Variants in SCN4A observed in about 807,000 individuals in gnomAD.
The protein encoded by SCN4A is sodium channel protein type 4 subunit alpha.
SCN4A carries 83 observed loss-of-function variants against 162.0 expected under a neutral mutation model. The observed-to-expected ratio is 0.51, with a 90% confidence interval of 0.43 to 0.61. The LOEUF is 0.61. SCN4A is among the 20% of genes least tolerant of loss of function. SCN4A has a pLI of 0.00. For missense variants in SCN4A, 2,196 were observed against 2,462.5 expected (o/e 0.89, Z 2.29); for synonymous variants, 944 against 985.1 (o/e 0.96, Z 0.78).
chr17:63,940,626 C>T lies in SCN4A; in HGVS notation c.*145G>A. 2.0e-6 allele frequency: 2 copies of T among 1,009,334 alleles called. No individual in the cohort carries two copies. The highest frequency in any genetic ancestry group is 2.8e-6 in the Non-Finnish European group (2 of 717,322). The allele number at this position is 1,009,334 out of a possible 1,614,324, so 62.5% of individuals were successfully genotyped here. On this transcript the variant is annotated 3_prime_UTR_variant, in exon 24 of 24. Transcript: ENST00000435607. ...CAGGCGCTCGGGCCTGGGTGTCAGCCCCAGTGTGGCCAAATCCTGTCCCCC... is the reference window on the plus strand; with the variant it reads ...CAGGCGCTCGGGCCTGGGTGTCAGCTCCAGTGTGGCCAAATCCTGTCCCCC...
In SCN4A at chr17:63,959,532, G is replaced by T. The variant is rs528409271; in HGVS notation, c.1846-94C>A. The stretch of plus-strand genomic sequence containing the variant: ...ACTCCCACCTCCTGGCAGAGGCTGC[G>T]GGGGCGGAGGGGAAGGGGTCCAGAG... On this transcript the variant is annotated intron_variant, in intron 11 of 23. Transcript: ENST00000435607. 3.4e-6 allele frequency: 4 copies of T among 1,172,122 alleles called. No individual in the cohort carries two copies. In the East Asian group the frequency reaches 7.6e-5, roughly 22 times the overall value. 72.6% of individuals were successfully genotyped at this position (1,172,122 alleles called of 1,614,324 possible).
chr17:63,945,256 CG>C lies in SCN4A; in HGVS notation c.3720+103del. On this transcript the variant is annotated intron_variant, in intron 19 of 23. Transcript: ENST00000435607. The surrounding 1 kb of genome is among the most constrained non-coding windows in gnomAD (Gnocchi z 4.4). ...CCCACAGCATTGGAAGCAGGGTGGGCGGTCCCCTAACCAGGAGTGACACTGG... is the reference window on the plus strand; with the variant it reads ...CCCACAGCATTGGAAGCAGGGTGGGCGTCCCCTAACCAGGAGTGACACTGG... 9.2e-7 allele frequency: 1 copy of C among 1,091,264 alleles called. No homozygotes were observed. Among genetic ancestry groups the C allele is most frequent in the Non-Finnish European group, 1.4e-6 (1 of 740,006 alleles). The allele number at this position is 1,091,264 out of a possible 1,614,324, so 67.6% of individuals were successfully genotyped here. A position where few individuals can be genotyped will look rare whatever the true frequency, so the allele number is the denominator to read the frequency against.
intron 8 of SCN4A, 130 bp downstream of exon 8, chr17:63,965,972 G>T: frequency 1.5e-6 from 1 of 667,980 alleles, no homozygotes. Context: ...GGCACTGCGG[G>T]AGTCCATGAG....
intron 15 of SCN4A, among the ~76,000 whole-genome samples, chr17:63,949,122 A>C (rs1219090258): frequency 6.6e-6 from 1 of 152,074 alleles, no homozygotes; most frequent in Non-Finnish European, 1.5e-5. Context: ...CCATGTCCTG[A>C]AGGCCTTGCT....
chr17:63,942,775 C>T, intron 23 of SCN4A, 51 bp downstream of exon 23: 2 of 1,567,106 alleles, frequency 1.3e-6, no homozygotes, highest in South Asian at 2.4e-5. Context: ...ATGGGTCTTC[C>T]CGAGTGCCTC....
rs944490990 is a variant in SCN4A, at chr17:63,941,090, G to A, written c.5192C>T (p.Ala1731Val). 5 of 1,613,878 alleles carry A rather than the reference G, an allele frequency of 3.1e-6. No individual in the cohort carries two copies. The highest frequency in any genetic ancestry group is 4.2e-6 in the Non-Finnish European group (5 of 1,179,896). ...TLKRKHEEVC[A>V]IKIQRAYRRH... is the part of the protein sequence containing the mutation. ...GCGGTAGGCCCTCTGGATCTTGATGGCGCACACCTCCTCGTGCTTCCTCTT... is the reference window on the plus strand; with the variant it reads ...GCGGTAGGCCCTCTGGATCTTGATGACGCACACCTCCTCGTGCTTCCTCTT... Residue 1731 changes from alanine (A) to valine (V), a missense_variant, in exon 24 of 24, where the codon GCC (alanine) becomes GTC (valine). By Grantham distance (64) the Ala-to-Val change is moderately conservative (BLOSUM62 0). Transcript: ENST00000435607. The surrounding 1 kb of genome is among the most constrained non-coding windows in gnomAD (Gnocchi z 6.2).
Position 63,963,702 on chromosome 17 carries a change from C to T in SCN4A, c.1576G>A (p.Gly526Arg), listed in dbSNP as rs181292216. Residue 526 changes from glycine to arginine, a missense_variant, in exon 10 of 24, where the codon GGA becomes AGA. Coordinates refer to ENST00000435607, the MANE Select transcript of SCN4A (RefSeq NM_000334.4). ...ATGGCGTCGGAGATGCCGCTGTCTC[C>T]GCTGCTGCTCTGCCTCGGGGCTCCC... ...EKGAPRQSSS[G>R]DSGISDAMEE... The T allele has an allele frequency of 1.3e-4, 215 of 1,596,128 alleles. No homozygotes were observed. In the African/African-American group the frequency reaches 2.3e-3, roughly 17 times the overall value.
Position 63,961,323 on chromosome 17 carries a change from T to G in SCN4A, c.1715A>C (p.His572Pro). 1.9e-6 allele frequency: 3 copies of G among 1,613,606 alleles called. No homozygotes were observed. The highest frequency in any genetic ancestry group is 2.5e-6 in the Non-Finnish European group (3 of 1,179,766). ...APWLKFKNII[H>P]LIVMDPFVDL... The stretch of plus-strand genomic sequence containing the variant: ...CACGAACGGGTCCATGACGATCAGG[T>G]GGATGATGTTCTTGAACTTCAGCCA... Residue 572 changes from histidine to proline, a missense_variant, in exon 11 of 24, where the codon CAC becomes CCC. Physicochemically the swap from His to Pro is moderately conservative, Grantham distance 77. Transcript: ENST00000435607.
chr17:63,955,537 G>T (rs76246419), intron 13 of SCN4A, among the ~76,000 whole-genome samples: 2 of 152,152 alleles, frequency 1.3e-5, no homozygotes, highest in Admixed American at 1.3e-4. Flanking sequence ...GTTAAATAAC[G>T]GGCTCGAGGT....
Position 63,951,510 on chromosome 17 carries a change from G to A in SCN4A, c.2767C>T (p.Gln923Ter), listed in dbSNP as rs1555602289. ...NFINNPYLTI[Q>*]VPIASEESDL... ...GACTCCTCGGAGGCGATGGGCACCT[G>A]TATGGTCAGGTAGGGGTTGTTGATG... The change falls in exon 14 of 24, where the codon CAG becomes TAG. Residue 923 changes from glutamine (Q) to a stop codon, truncating the protein, a stop_gained. Coordinates refer to ENST00000435607, the MANE Select transcript of SCN4A (RefSeq NM_000334.4). LOFTEE classifies it high-confidence loss of function. This position sits in a 1 kb window ranked among gnomAD's most constrained non-coding sequence, Gnocchi z 4.5. The A allele has an allele frequency of 6.2e-7, 1 of 1,613,982 alleles. No homozygotes were observed. Among genetic ancestry groups the A allele is most frequent in the Non-Finnish European group, 8.5e-7 (1 of 1,179,876 alleles).
At chr17:63,952,969 T>G (rs1280379625) in intron 13 of SCN4A, among the ~76,000 whole-genome samples, 1 of 152,222 alleles carries the variant, frequency 6.6e-6, no homozygotes, top group Non-Finnish European at 1.5e-5. Flanking sequence ...ATTAGCTGTG[T>G]GCTCTGAGGC....
rs749942058 is a variant in SCN4A at position 63,957,351 on chromosome 17, G to A, written c.2187C>T (p.Cys729=). 1.4e-5 allele frequency: 23 copies of A among 1,613,974 alleles called. No homozygotes were observed. The highest frequency in any genetic ancestry group is 1.2e-4 in the Admixed American group (7 of 60,000). The change falls in exon 13 of 24, where the codon TGC becomes TGT. Residue 729 remains cysteine, a synonymous_variant. Transcript: ENST00000435607. ...MQLFGKSYKE[C]VCKIALDCNL... ...TGCAGTCCAAGGCAATCTTGCACAC[G>A]CACTCCTTGTAGCTCTTGCCAAACA...
chr17:63,942,486 T>C (rs889645851), intron 23 of SCN4A, among the ~76,000 whole-genome samples: 2 of 152,202 alleles, frequency 1.3e-5, no homozygotes, highest in Non-Finnish European at 2.9e-5. Context: ...TGATAATAAA[T>C]GGCAGCTACT....
At position 63,951,759 on chromosome 17, in the gene SCN4A, G is replaced by A. The variant is rs773019205; in HGVS notation, c.2518C>T (p.Leu840Phe). The A allele has an allele frequency of 3.2e-6, 5 of 1,586,452 alleles. No homozygotes were observed. Among genetic ancestry groups the A allele is most frequent in the Non-Finnish European group, 4.3e-6 (5 of 1,166,328 alleles). ...ATCTTGCCATGCAGCAGCCCCAGGA[G>A]GAAGGCCTTGGCAAAGCCGATGCCC... ...KLGIGFAKAF[L>F]LGLLHGKILS... Residue 840 changes from leucine to phenylalanine, a missense_variant, in exon 14 of 24, where the codon CTC becomes TTC. Leu to Phe is a conservative substitution (Grantham distance 22). Coordinates refer to ENST00000435607, the MANE Select transcript of SCN4A (RefSeq NM_000334.4). This position sits in a 1 kb window ranked among gnomAD's most constrained non-coding sequence, Gnocchi z 4.5.
At chr17:63,966,354 G>C (rs1366583256) in intron 7 of SCN4A, 111 bp from the exon 8 acceptor site, 4 of 1,423,754 alleles carry the variant, frequency 2.8e-6, no homozygotes, top group Non-Finnish European at 3.9e-6. Flanking sequence ...CCCCCAAACA[G>C]AAAAGTATTC....
chr17:63,971,623 G>T, intron 4 of SCN4A, 99 bp downstream of exon 4: 1 of 1,096,704 alleles, frequency 9.1e-7, no homozygotes, highest in Non-Finnish European at 1.3e-6. Flanking sequence ...ACTGACCGAT[G>T]TCCCCTGCAG....
rs931581957 is a variant in SCN4A at position 63,950,092 on chromosome 17, T to G, written c.2854-564A>C. 1.3e-5 allele frequency among the ~76,000 whole-genome samples: 2 copies of G among 151,752 alleles called. No individual in the cohort carries two copies. Among genetic ancestry groups the G allele is most frequent in the East Asian group, 1.9e-4 (1 of 5,144 alleles). ...TGGGAGCGGGAGTGGGGGAGGCGGG[T>G]GCTCCAGCCGGGCCAGGCTTCCTCC... On this transcript the variant is annotated intron_variant, in intron 14 of 23. Transcript: ENST00000435607. This position sits in a 1 kb window ranked among gnomAD's most constrained non-coding sequence, Gnocchi z 4.6.
intron 16 of SCN4A, 103 bp from the exon 17 acceptor site, chr17:63,948,166 T>TTCAA: frequency 1.1e-6 from 1 of 915,672 alleles, no homozygotes; most frequent in Non-Finnish European, 1.6e-6. Context: ...GGGTCTGCCG[T>TTCAA]GGGGGCCCAG....
At chr17:63,963,454 G>C (rs1909331280) in intron 10 of SCN4A, among the ~76,000 whole-genome samples, 3 of 152,202 alleles carry the variant, frequency 2.0e-5, no homozygotes, top group South Asian at 4.1e-4. Flanking sequence ...GCCAGAAATG[G>C]CTGTGATAAA....
Sources: gnomAD v4.1 joint callset for allele counts (sites outside exome capture counted in the v4.1 genomes callset) on GRCh38, gnomAD v4.1.1 for gene constraint, Gnocchi (gnomAD v3.1) non-coding constraint, MANE v1.5 for transcripts, NCBI Gene and HGNC (gene_info 2026-07-23, HGNC 2026-07-21) for gene names.